Variants in SKAP2 observed in about 807,000 individuals in gnomAD.
The protein encoded by SKAP2 is src kinase-associated phosphoprotein 2.
A neutral mutation model predicts 54.9 loss-of-function variants in SKAP2; 28 were observed. The ratio of observed to expected loss-of-function variants is 0.51; its 90% confidence interval spans 0.38 to 0.70. The LOEUF is 0.70. SKAP2 is among the 30% of genes least tolerant of loss of function. The pLI is 0.00. For missense variants in SKAP2, 356 were observed against 424.1 expected, an observed-to-expected ratio of 0.84 and a Z score of 1.41; for synonymous variants, 137 against 134.3, an observed-to-expected ratio of 1.02 and a Z score of -0.14.
chr7:26,756,089 AT>A (rs1252728802), intron 4 of SKAP2, among the ~76,000 whole-genome samples: 6 of 152,240 alleles, frequency 3.9e-5, no homozygotes, highest in Admixed American at 2.0e-4. Flanking sequence ...ATGGAAAGAT[AT>A]ATACTAATGT....
intron 4 of SKAP2, among the ~76,000 whole-genome samples, chr7:26,796,907 C>G (rs1783793314): frequency 6.6e-6 from 1 of 152,148 alleles, no homozygotes; most frequent in Admixed American, 6.5e-5. Context: ...TCACATTGTT[C>G]ATGAGTCAAC....
intron 9 of SKAP2, among the ~76,000 whole-genome samples, chr7:26,716,031 G>C (rs1787426811): frequency 6.6e-6 from 1 of 152,128 alleles, no homozygotes; most frequent in African/African-American, 2.4e-5. Context: ...CACAGATTCA[G>C]TGTAATTTGT....
intron 4 of SKAP2, among the ~76,000 whole-genome samples, chr7:26,793,242 T>C (rs1462904667): frequency 6.6e-6 from 1 of 152,208 alleles, no homozygotes; most frequent in Admixed American, 6.5e-5. Flanking sequence ...CCAAACTATG[T>C]TGACCAGAAA....
At chr7:26,749,460 G>C (rs891075772) in intron 4 of SKAP2, among the ~76,000 whole-genome samples, 1 of 151,950 alleles carries the variant, frequency 6.6e-6, no homozygotes, top group Non-Finnish European at 1.5e-5. Flanking sequence ...AACAATAATA[G>C]GTCCTCGGCT....
At position 26,828,187 on chromosome 7, in the gene SKAP2, A is replaced by C. The variant is rs1011354972; in HGVS notation, c.307+15843T>G. On this transcript the variant is annotated intron_variant, in intron 4 of 12. Coordinates refer to ENST00000345317, the MANE Select transcript of SKAP2 (RefSeq NM_003930.5). ...ATCTATTAGACTATGTGTTCTCTGA[A>C]ATAACTTAAGGAAAACTGATATGAA... is the stretch of plus-strand genomic sequence containing the variant. Among the ~76,000 whole-genome samples the C allele has an allele frequency of 3.9e-5, 6 of 152,284 alleles. 1 individual carries two copies. Among genetic ancestry groups the C allele is most frequent in the East Asian group, 1.9e-4 (1 of 5,184 alleles).
At chr7:26,746,616 C>CTTTTTTT (rs10669344) in intron 4 of SKAP2, 1 of 131,112 alleles carries the variant, frequency 7.6e-6, no homozygotes, top group African/African-American at 2.9e-5. Context: ...AGTTCCATAC[C>CTTTTTTT]TTTTTTTTTT....
intron 4 of SKAP2, among the ~76,000 whole-genome samples, chr7:26,830,030 C>T (rs1379179279): frequency 6.6e-6 from 1 of 152,006 alleles, no homozygotes. Flanking sequence ...CAAAAGGTGG[C>T]ACATCCACAC....
intron 4 of SKAP2, among the ~76,000 whole-genome samples, chr7:26,822,326 T>A (rs2127990600): frequency 6.6e-6 from 1 of 152,340 alleles, no homozygotes; most frequent in South Asian, 2.1e-4. Flanking sequence ...TGTGTCACAT[T>A]TTGGTAATTC....
chr7:26,862,470 T>G (rs1785289309), intron 1 of SKAP2, among the ~76,000 whole-genome samples: 1 of 152,074 alleles, frequency 6.6e-6, no homozygotes, highest in Non-Finnish European at 1.5e-5. Context: ...TTTTTAATAC[T>G]TCATGTGTGT....
intron 1 of SKAP2, among the ~76,000 whole-genome samples, chr7:26,855,379 C>T (rs1267955502): frequency 2.0e-5 from 3 of 152,054 alleles, no homozygotes; most frequent in Non-Finnish European, 2.9e-5. Context: ...GTATATCCAA[C>T]ATGTAATGCT....
rs1786124334 is a variant in SKAP2 at position 26,667,427 on chromosome 7, A to G, written c.*2239T>C. 1 of 152,342 alleles carries G rather than the reference A, an allele frequency of 6.6e-6. No individual in the cohort carries two copies. 9.4% of individuals were successfully genotyped at this position (152,342 alleles called of 1,614,324 possible). On this transcript the variant is annotated 3_prime_UTR_variant, in exon 13 of 13. Transcript: ENST00000345317. The stretch of plus-strand genomic sequence containing the variant: ...ATACAAATGATTTCATCAAATGAAT[A>G]TAAAGCAGTCATGAATTGAAAGTAA...
At chr7:26,715,974 G>A (rs1787425515) in intron 9 of SKAP2, among the ~76,000 whole-genome samples, 1 of 152,080 alleles carries the variant, frequency 6.6e-6, no homozygotes, top group Non-Finnish European at 1.5e-5. Context: ...TTTCAGAGTT[G>A]GCTCTTAATT....
intron 9 of SKAP2, among the ~76,000 whole-genome samples, chr7:26,696,421 A>T (rs1786896636): frequency 6.6e-6 from 1 of 152,212 alleles, no homozygotes; most frequent in African/African-American, 2.4e-5. Flanking sequence ...TCTTAGTGTC[A>T]TCTCTGTATT....
At chr7:26,693,161 G>A (rs1251411948) in intron 9 of SKAP2, among the ~76,000 whole-genome samples, 2 of 151,946 alleles carry the variant, frequency 1.3e-5, no homozygotes, top group African/African-American at 2.4e-5. Flanking sequence ...GCAAAACCAC[G>A]TCTCTACTAA....
intron 4 of SKAP2, among the ~76,000 whole-genome samples, chr7:26,793,966 T>A (rs1441670088): frequency 6.6e-6 from 1 of 152,116 alleles, no homozygotes; most frequent in Admixed American, 6.5e-5. Context: ...AAAGCCAGAG[T>A]AAGGAGTTGG....
chr7:26,661,592 A>G, the SKAP2 span, among the ~76,000 whole-genome samples: 1 of 152,172 alleles, frequency 6.6e-6, no homozygotes, highest in Non-Finnish European at 1.5e-5. Flanking sequence ...AATCACCATT[A>G]ACAGAAATTG....
At chr7:26,844,238 C>A in intron 3 of SKAP2, 101 bp from the exon 4 acceptor site, 2 of 676,770 alleles carry the variant, frequency 3.0e-6, no homozygotes, top group South Asian at 1.9e-5. Flanking sequence ...GAGGTAAATT[C>A]TACTAGTAAA....
At chr7:26,661,510 T>C in the SKAP2 span, among the ~76,000 whole-genome samples, 901 of 152,292 alleles carry the variant, frequency 5.9e-3, 6 homozygotes, top group African/African-American at 0.021. Flanking sequence ...ATTAGCAGAT[T>C]GGTGGTTTTA....
intron 4 of SKAP2, among the ~76,000 whole-genome samples, chr7:26,759,777 C>A (rs1782883225): frequency 3.3e-5 from 5 of 152,090 alleles, no homozygotes; most frequent in Admixed American, 3.3e-4. Flanking sequence ...TAAAGCATTT[C>A]CTGTTATCCC....
Sources: gnomAD v4.1 joint callset for allele counts (sites outside exome capture counted in the v4.1 genomes callset) on GRCh38, gnomAD v4.1.1 for gene constraint, MANE v1.5 for transcripts, NCBI Gene and HGNC (gene_info 2026-07-23, HGNC 2026-07-21) for gene names.